Variants in CHRM5 observed in about 807,000 individuals in gnomAD.
CHRM5 encodes muscarinic acetylcholine receptor M5.
A neutral mutation model predicts 39.0 loss-of-function variants in CHRM5; 18 were observed. That is an observed-to-expected ratio of 0.46 (90% CI 0.32 to 0.68). CHRM5 has a LOEUF of 0.68. Ranked by LOEUF, CHRM5 falls within the 30% of genes least tolerant of loss-of-function variation. The pLI, the probability that CHRM5 is intolerant of heterozygous loss-of-function variation, is 0.04. For missense variants in CHRM5, 515 were observed against 651.1 expected, an observed-to-expected ratio of 0.79 and a Z score of 2.28; for synonymous variants, 241 against 246.3, an observed-to-expected ratio of 0.98 and a Z score of 0.20.
chr15:34,003,327 C>T (rs1897213201), intron 1 of CHRM5: 5 of 802,344 alleles, frequency 6.2e-6, no homozygotes, highest in Admixed American at 2.8e-5. Flanking sequence ...ACCAAGCTGT[C>T]TGAAGATATT....
Position 34,063,653 on chromosome 15 carries a change from G to A in CHRM5, c.936G>A (p.Glu312=), listed in dbSNP as rs1435110267. ...GCAGCTACCCTTCCTCAGAGGATGA[G>A]GACAAGCCCGCCACTGACCCTGTCC... The part of the protein sequence containing the change: ...TCSSYPSSED[E]DKPATDPVLQ... Residue 312 remains glutamate (E), a synonymous_variant, in exon 3 of 3, where the codon GAG becomes GAA. Coordinates refer to ENST00000383263, the MANE Select transcript of CHRM5 (RefSeq NM_012125.4). This position sits in a 1 kb window ranked among gnomAD's most constrained non-coding sequence, Gnocchi z 4.1. 1 of 1,614,130 alleles carries A rather than the reference G, an allele frequency of 6.2e-7. No homozygotes were observed. Among genetic ancestry groups the A allele is most frequent in the East Asian group, 2.2e-5 (1 of 44,868 alleles).
intron 1 of CHRM5, chr15:34,039,178 G>C: frequency 1.3e-6 from 1 of 798,430 alleles, no homozygotes; most frequent in Non-Finnish European, 1.5e-6. Flanking sequence ...GCGGGGTGCG[G>C]GGCTAGGGAT....
intron 1 of CHRM5, among the ~76,000 whole-genome samples, chr15:33,986,157 A>G (rs1896454072): frequency 6.6e-6 from 1 of 151,256 alleles, no homozygotes; most frequent in Admixed American, 6.6e-5. Flanking sequence ...CCCAGGCTGG[A>G]GTGCAGTGGC....
rs574786536 is a variant in CHRM5 at position 34,065,781 on chromosome 15, G to A, written c.*1465G>A. 6 of 152,268 alleles carry A rather than the reference G, an allele frequency of 3.9e-5. No homozygotes were observed. The South Asian group carries it at 1.0e-3, about 26-fold the overall frequency. 9.4% of individuals were successfully genotyped at this position (152,268 alleles called of 1,614,324 possible). On this transcript the variant is annotated 3_prime_UTR_variant, in exon 3 of 3. Coordinates refer to ENST00000383263, the MANE Select transcript of CHRM5 (RefSeq NM_012125.4). ...AAAGTCCACAAAGAAGCAGTAGTGT[G>A]GTACACAGCAAGGATTTTAAAGATG...
chr15:33,972,255 A>G (rs1895669569), intron 1 of CHRM5: 1 of 152,108 alleles, frequency 6.6e-6, no homozygotes, highest in Non-Finnish European at 1.5e-5. Flanking sequence ...AGAGGCCCCT[A>G]GAGAACTGAG....
intron 1 of CHRM5, among the ~76,000 whole-genome samples, chr15:34,029,517 C>CAAAAAA (rs66519745): frequency 8.4e-6 from 1 of 118,694 alleles, no homozygotes; most frequent in Non-Finnish European, 1.7e-5. Context: ...CCTATTTCTA[C>CAAAAAA]AAAAAAAAAA....
chr15:33,980,720 G>A (rs530700), intron 1 of CHRM5, among the ~76,000 whole-genome samples: 123,214 of 152,124 alleles, frequency 0.81, 54,630 homozygotes, highest in Non-Finnish European at 0.98. Context: ...ATCTGTACAC[G>A]GAGAACCCCA....
chr15:34,020,789 C>T (rs1189049752), intron 1 of CHRM5, among the ~76,000 whole-genome samples: 4 of 152,196 alleles, frequency 2.6e-5, no homozygotes, highest in Non-Finnish European at 5.9e-5. Flanking sequence ...ATAATCTCCA[C>T]ATAACTTTTT....
chr15:34,057,916 C>T (rs566467151), intron 2 of CHRM5, among the ~76,000 whole-genome samples: 35 of 152,282 alleles, frequency 2.3e-4, no homozygotes, highest in African/African-American at 5.3e-4. Flanking sequence ...ATTTTCTTTT[C>T]CCTTTTAGCA....
intron 1 of CHRM5, among the ~76,000 whole-genome samples, chr15:33,989,828 G>C (rs1896641096): frequency 6.6e-6 from 1 of 151,136 alleles, no homozygotes. Context: ...ATTTTTTTAA[G>C]GAGAGGTATG....
intron 1 of CHRM5, among the ~76,000 whole-genome samples, chr15:33,986,804 G>C (rs1896494452): frequency 6.6e-6 from 1 of 151,424 alleles, no homozygotes; most frequent in South Asian, 2.2e-4. Flanking sequence ...CTACAGGCAC[G>C]TGCCACCATG....
At chr15:33,969,712 A>G (rs1325946526) in intron 1 of CHRM5, among the ~76,000 whole-genome samples, 1 of 152,018 alleles carries the variant, frequency 6.6e-6, no homozygotes, top group East Asian at 1.9e-4. Context: ...AATTTATCCT[A>G]AAGATACTAG....
intron 2 of CHRM5, among the ~76,000 whole-genome samples, chr15:34,050,922 G>A (rs572363276): frequency 3.9e-5 from 6 of 152,196 alleles, no homozygotes; most frequent in South Asian, 2.1e-4. Context: ...ACACCCCACC[G>A]ACTATATTAG....
chr15:34,064,476 G>T lies in CHRM5; in HGVS notation c.*160G>T. On this transcript the variant is annotated 3_prime_UTR_variant, in exon 3 of 3. Transcript: ENST00000383263. ...CAAGTTTGGTTGCCAAATGGAAGGG[G>T]CCATAGCTGCAGCAATTGCTGACAT... The T allele has an allele frequency of 1.2e-6, 1 of 806,824 alleles. No individual in the cohort carries two copies. The highest frequency in any genetic ancestry group is 1.9e-5 in the South Asian group (1 of 52,358). 50.0% of individuals were successfully genotyped at this position (806,824 alleles called of 1,614,324 possible).
chr15:34,006,759 A>T (rs910666303), intron 1 of CHRM5, among the ~76,000 whole-genome samples: 3 of 152,264 alleles, frequency 2.0e-5, no homozygotes, highest in Admixed American at 6.5e-5. Context: ...AGTTGTCATT[A>T]GCCTTCATTC....
In CHRM5 at chr15:34,063,467, C is replaced by T. The variant is rs1466685777; in HGVS notation, c.750C>T (p.Phe250=). Residue 250 remains phenylalanine, a synonymous_variant, in exon 3 of 3, where the codon TTC becomes TTT. Transcript: ENST00000383263. This position sits in a 1 kb window ranked among gnomAD's most constrained non-coding sequence, Gnocchi z 4.1. ...GAAAGCCAGCTCATAGGGCTCTGTT[C>T]AGATCCTGCTTGCGCTGTCCTCGAC... ...EKRKPAHRAL[F]RSCLRCPRPT... 1.2e-6 allele frequency: 2 copies of T among 1,613,728 alleles called. No individual in the cohort carries two copies. Among genetic ancestry groups the T allele is most frequent in the Non-Finnish European group, 1.7e-6 (2 of 1,180,044 alleles).
At chr15:33,984,407 G>GTT (rs11363064) in intron 1 of CHRM5, among the ~76,000 whole-genome samples, 1 of 148,106 alleles carries the variant, frequency 6.8e-6, no homozygotes. Flanking sequence ...TGATGGTAGG[G>GTT]TTTTTTTTTT....
At chr15:33,988,291 G>A (rs1408373923) in intron 1 of CHRM5, among the ~76,000 whole-genome samples, 3 of 152,122 alleles carry the variant, frequency 2.0e-5, no homozygotes, top group African/African-American at 7.2e-5. Flanking sequence ...TTAATGAACA[G>A]TATCAAGTGC....
chr15:33,976,566 C>G (rs763938721), intron 1 of CHRM5, among the ~76,000 whole-genome samples: 31 of 152,112 alleles, frequency 2.0e-4, no homozygotes, highest in Non-Finnish European at 4.3e-4. Context: ...CACTTTTATT[C>G]TGTAAGTGTA....
Sources: allele counts gnomAD v4.1 joint callset (sites outside exome capture counted in the v4.1 genomes callset), GRCh38; gene constraint gnomAD v4.1.1; non-coding constraint Gnocchi (gnomAD v3.1); transcripts MANE v1.5; gene names NCBI Gene and HGNC (gene_info 2026-07-23, HGNC 2026-07-21).